BMPR2: variants seen among roughly 807,000 people sequenced by gnomAD.
The protein encoded by BMPR2 is bone morphogenetic protein receptor type 2.
A neutral mutation model predicts 100.8 loss-of-function variants in BMPR2; 29 were observed. That is an observed-to-expected ratio of 0.29 (90% CI 0.21 to 0.39). The LOEUF (loss-of-function observed/expected upper bound fraction) is 0.39. BMPR2 is among the 10% of genes least tolerant of loss of function. The pLI, the probability that BMPR2 is intolerant of heterozygous loss-of-function variation, is 1.00. For missense variants in BMPR2, 1,011 were observed against 1,274.5 expected, an observed-to-expected ratio of 0.79 and a Z score of 3.15; for synonymous variants, 382 against 442.3, an observed-to-expected ratio of 0.86 and a Z score of 1.71.
At chr2:202,445,813 C>T (rs1467604740) in intron 1 of BMPR2, among the ~76,000 whole-genome samples, 2 of 131,714 alleles carry the variant, frequency 1.5e-5, no homozygotes, top group African/African-American at 3.0e-5. Context: ...CTTGCTCTGT[C>T]GCCCAGGCTG....
intron 3 of BMPR2, among the ~76,000 whole-genome samples, chr2:202,493,415 A>C (rs1334455133): frequency 6.6e-6 from 1 of 152,152 alleles, no homozygotes; most frequent in Non-Finnish European, 1.5e-5. Flanking sequence ...CTTTGAGAGC[A>C]TATTTAATGG....
At chr2:202,512,341 A>G (rs1387292629) in intron 3 of BMPR2, among the ~76,000 whole-genome samples, 1 of 152,236 alleles carries the variant, frequency 6.6e-6, no homozygotes, top group Non-Finnish European at 1.5e-5. Context: ...ATTACCAAAC[A>G]TTGCATAACT....
intron 1 of BMPR2, among the ~76,000 whole-genome samples, chr2:202,440,067 C>T (rs535322933): frequency 1.3e-5 from 2 of 150,788 alleles, no homozygotes; most frequent in East Asian, 1.9e-4. Context: ...CATCCCAAGG[C>T]AGAAGAATTT....
At chr2:202,546,294 A>G (rs1299485162) in intron 10 of BMPR2, among the ~76,000 whole-genome samples, 1 of 152,236 alleles carries the variant, frequency 6.6e-6, no homozygotes, top group Admixed American at 6.5e-5. Context: ...TCATAGTTGC[A>G]TTGAGATTAA....
chr2:202,393,882 C>CGAGAGCGAGAGAGCGA (rs1212615683), intron 1 of BMPR2, among the ~76,000 whole-genome samples: 19 of 97,928 alleles, frequency 1.9e-4, no homozygotes, highest in African/African-American at 5.3e-4. Flanking sequence ...AATGAGAGAG[C>CGAGAGCGAGAGAGCGA]GAGAGAGAGA....
At chr2:202,428,777 G>A (rs1365590909) in intron 1 of BMPR2, among the ~76,000 whole-genome samples, 2 of 152,104 alleles carry the variant, frequency 1.3e-5, no homozygotes, top group African/African-American at 4.8e-5. Context: ...TATTCCAATG[G>A]TTCTGTTCTT....
At chr2:202,522,872 T>A (rs1427413973) in intron 7 of BMPR2, among the ~76,000 whole-genome samples, 1 of 152,148 alleles carries the variant, frequency 6.6e-6, no homozygotes, top group Non-Finnish European at 1.5e-5. Context: ...CTCTGAACAT[T>A]CTTCCTCTAA....
chr2:202,455,075 C>T (rs1692066194), intron 1 of BMPR2, among the ~76,000 whole-genome samples: 1 of 152,188 alleles, frequency 6.6e-6, no homozygotes, highest in Admixed American at 6.5e-5. Flanking sequence ...CCTCCAGAGG[C>T]TCCATGTCCA....
rs750179586 is a variant in BMPR2 at position 202,443,540 on chromosome 2, T to C, written c.77-21269T>C. On this transcript the variant is annotated intron_variant, in intron 1 of 12. Transcript: ENST00000374580. ...TTCTTTCCTTTCTTTCTCTCTCTCT[T>C]TCTGTCTCTCTCTTTCTCTCTTTCT... 8.0e-5 allele frequency among the ~76,000 whole-genome samples: 12 copies of C among 149,646 alleles called. 1 individual carries two copies. The highest frequency in any genetic ancestry group is 1.2e-4 in the Non-Finnish European group (8 of 67,872).
At chr2:202,549,582 C>T (rs910087909) in intron 10 of BMPR2, among the ~76,000 whole-genome samples, 1 of 151,984 alleles carries the variant, frequency 6.6e-6, no homozygotes, top group African/African-American at 2.4e-5. Flanking sequence ...AACCCCATCT[C>T]TACTAAAAAT....
intron 2 of BMPR2, 69 bp downstream of exon 2, chr2:202,465,048 G>T: frequency 6.4e-7 from 1 of 1,568,052 alleles, no homozygotes; most frequent in Non-Finnish European, 8.8e-7. Context: ...AAAAGGACAT[G>T]GGAGTATGTT....
chr2:202,447,075 A>G (rs1330069442), intron 1 of BMPR2, among the ~76,000 whole-genome samples: 1 of 149,014 alleles, frequency 6.7e-6, no homozygotes, highest in Non-Finnish European at 1.5e-5. Context: ...TGGGAGGCCG[A>G]GGTGGGCGGA....
At chr2:202,486,454 C>T (rs1310274016) in intron 3 of BMPR2, among the ~76,000 whole-genome samples, 1 of 151,986 alleles carries the variant, frequency 6.6e-6, no homozygotes, top group Non-Finnish European at 1.5e-5. Context: ...CATGGCGAAA[C>T]CCCATCCCTA....
chr2:202,395,919 A>G (rs1196861441), intron 1 of BMPR2, among the ~76,000 whole-genome samples: 1 of 152,168 alleles, frequency 6.6e-6, no homozygotes, highest in Non-Finnish European at 1.5e-5. Context: ...CCTGGGCAAC[A>G]AGAGTGAAAC....
At chr2:202,517,976 C>CTTTTTTTTTTTT (rs67110605) in intron 5 of BMPR2, among the ~76,000 whole-genome samples, 13 of 88,464 alleles carry the variant, frequency 1.5e-4, no homozygotes, top group Admixed American at 1.3e-4. Flanking sequence ...CCACGCCTGA[C>CTTTTTTTTTTTT]TTTTTTTTTT....
At chr2:202,392,102 C>T (rs1316278976) in intron 1 of BMPR2, among the ~76,000 whole-genome samples, 2 of 149,654 alleles carry the variant, frequency 1.3e-5, no homozygotes, top group Non-Finnish European at 3.0e-5. Flanking sequence ...AGAAGTCTCG[C>T]TCTCGTCCCC....
intron 7 of BMPR2, 38 bp from the exon 8 acceptor site, chr2:202,530,755 CT>C: frequency 1.3e-6 from 2 of 1,535,856 alleles, no homozygotes; most frequent in East Asian, 2.3e-5. Context: ...TCAATAGTCC[CT>C]TTTATTCATT....
intron 2 of BMPR2, 130 bp downstream of exon 2, chr2:202,465,109 G>A: frequency 8.4e-7 from 1 of 1,194,298 alleles, no homozygotes; most frequent in South Asian, 1.3e-5. Context: ...TATAAAGCCA[G>A]GTGTGGTGGC....
chr2:202,456,156 GT>G (rs376530955), intron 1 of BMPR2, among the ~76,000 whole-genome samples: 6 of 138,688 alleles, frequency 4.3e-5, no homozygotes, highest in African/African-American at 1.4e-4. Flanking sequence ...AGGACACTAT[GT>G]TTTTTTGTTT....
Sources: allele counts gnomAD v4.1 joint callset (sites outside exome capture counted in the v4.1 genomes callset), GRCh38; gene constraint gnomAD v4.1.1; transcripts MANE v1.5; gene names NCBI Gene and HGNC (gene_info 2026-07-23, HGNC 2026-07-21).